SMPD3: variants seen among roughly 807,000 people sequenced by gnomAD.
SMPD3 encodes the protein sphingomyelin phosphodiesterase 3, also known as nSMase-2.
Under a neutral mutation model 55.7 loss-of-function variants are expected in SMPD3, and 21 were observed. The ratio of observed to expected loss-of-function variants is 0.38; its 90% CI spans 0.27 to 0.54. SMPD3 has a LOEUF of 0.54. SMPD3 is among the 20% of genes least tolerant of loss of function. The pLI, the probability that SMPD3 is intolerant of heterozygous loss-of-function variation, is 0.80. For missense variants in SMPD3, 842 were observed against 899.6 expected, an observed-to-expected ratio of 0.94 and a Z score of 0.82; for synonymous variants, 457 against 404.3, an observed-to-expected ratio of 1.13 and a Z score of -1.56.
chr16:68,377,377 C>A (rs1483510284), intron 2 of SMPD3, among the ~76,000 whole-genome samples: 1 of 152,234 alleles, frequency 6.6e-6, no homozygotes. Flanking sequence ...ACAGCCCCAG[C>A]CGCTCCTGGT....
intron 1 of SMPD3, among the ~76,000 whole-genome samples, chr16:68,401,465 G>T (rs1341753826): frequency 3.3e-5 from 5 of 152,034 alleles, no homozygotes; most frequent in African/African-American, 1.2e-4. Flanking sequence ...GGTATAGGAG[G>T]CAGCAGGGGC....
chr16:68,418,572 A>C (rs529099300), intron 1 of SMPD3, among the ~76,000 whole-genome samples: 4 of 152,214 alleles, frequency 2.6e-5, no homozygotes, highest in African/African-American at 7.2e-5. Context: ...TGGGGAAGGC[A>C]AAGAACAACA....
At chr16:68,435,598 G>A (rs2090517339) in intron 1 of SMPD3, among the ~76,000 whole-genome samples, 1 of 152,106 alleles carries the variant, frequency 6.6e-6, no homozygotes, top group South Asian at 2.1e-4. Context: ...CACGGTGGGG[G>A]CTGGCTGGGG....
At chr16:68,403,976 G>C (rs1249502546) in intron 1 of SMPD3, among the ~76,000 whole-genome samples, 3 of 152,130 alleles carry the variant, frequency 2.0e-5, no homozygotes, top group Admixed American at 2.0e-4. Flanking sequence ...CTGAGGTGCA[G>C]CTGGGATGGT....
Position 68,371,077 on chromosome 16 carries a change from G to A in SMPD3, c.1105C>T (p.Arg369Ter), listed in dbSNP as rs775334273. 1.2e-6 allele frequency: 2 copies of A among 1,614,196 alleles called. No individual in the cohort carries two copies. The highest frequency in any genetic ancestry group is 1.7e-6 in the Non-Finnish European group (2 of 1,180,042). ...FLCLQEVFDKRAATKLKEQLH... is the reference protein window; with the variant it reads ...FLCLQEVFDK ...TGCTCTTTCAATTTGGTGGCTGCTC[G>A]CTTGTCAAACACCTCCTGCAGGCAC... Residue 369 changes from arginine (R) to a stop codon, truncating the protein, a stop_gained, in exon 3 of 9, where the codon CGA (arginine) becomes TGA (stop). Transcript: ENST00000219334. LOFTEE classifies it high-confidence loss of function.
At chr16:68,392,997 G>A (rs936012140) in intron 1 of SMPD3, among the ~76,000 whole-genome samples, 4 of 151,896 alleles carry the variant, frequency 2.6e-5, no homozygotes, top group African/African-American at 9.7e-5. Context: ...CCTCTAACCT[G>A]TAAGAAACTA....
chr16:68,371,298 G>A lies in SMPD3; in HGVS notation c.884C>T (p.Pro295Leu), dbSNP rs771697287. 34 of 1,601,610 alleles carry A rather than the reference G, an allele frequency of 2.1e-5. 1 individual carries two copies. In the South Asian group the frequency reaches 3.6e-4, roughly 17 times the overall value. The part of the protein sequence containing the change: ...QDGDSGSLGS[P>L]SASRESLVKG... ...CACCAGGGACTCCCGGGAGGCCGAG[G>A]GGCTGCCCAGGCTCCCTGAATCCCC... The change falls in exon 3 of 9, where the codon CCC becomes CTC. Residue 295 changes from proline (P) to leucine (L), a missense_variant. By Grantham distance (98) the Pro-to-Leu change is moderately conservative. This residue lies in a region of SMPD3 where 649 missense variants were observed against 643.6 expected (regional missense o/e 1.01). Coordinates refer to ENST00000219334, the MANE Select transcript of SMPD3 (RefSeq NM_018667.4).
chr16:68,427,403 T>G (rs750017583), intron 1 of SMPD3, among the ~76,000 whole-genome samples: 4 of 152,158 alleles, frequency 2.6e-5, no homozygotes, highest in Non-Finnish European at 5.9e-5. Flanking sequence ...AATGAATGCA[T>G]CTAGTGAAAG....
chr16:68,363,962 G>T, intron 5 of SMPD3, 96 bp from the exon 6 acceptor site: 1 of 1,154,880 alleles, frequency 8.7e-7, no homozygotes, highest in Non-Finnish European at 1.2e-6. Context: ...CCCATGTGCT[G>T]CCAGGCCCCC....
intron 2 of SMPD3, among the ~76,000 whole-genome samples, chr16:68,383,129 G>A (rs890323821): frequency 2.6e-5 from 4 of 152,198 alleles, no homozygotes; most frequent in African/African-American, 9.7e-5. Context: ...TTGAGCCACT[G>A]CGCCCAGCCA....
intron 1 of SMPD3, among the ~76,000 whole-genome samples, chr16:68,390,918 C>T (rs1321781804): frequency 3.3e-5 from 5 of 152,002 alleles, no homozygotes; most frequent in African/African-American, 9.7e-5. Context: ...GAGGAGCTAC[C>T]CTTCAAACCT....
In SMPD3 at chr16:68,365,491, AC is replaced by A. The variant is rs2089449885; in HGVS notation, c.1324-400del. Among the ~76,000 whole-genome samples the A allele has an allele frequency of 2.0e-5, 3 of 151,620 alleles. No individual in the cohort carries two copies. The South Asian group carries it at 6.3e-4, about 32-fold the overall frequency. On this transcript the variant is annotated intron_variant, in intron 3 of 8. Transcript: ENST00000219334. Reference sequence around the variant, plus strand: ...CCTCAGTTACACCCTAGACCTGGTCACACCCTGGTGCTTTCTCCCCCTGAAA... The same window carrying A: ...CCTCAGTTACACCCTAGACCTGGTCAACCCTGGTGCTTTCTCCCCCTGAAA...
chr16:68,425,919 G>A (rs1552752), intron 1 of SMPD3, among the ~76,000 whole-genome samples: 114,685 of 152,096 alleles, frequency 0.75, 43,728 homozygotes, highest in East Asian at 0.88. Flanking sequence ...TCTCTGAGGT[G>A]ACAATGTACC....
chr16:68,365,032 GGT>G lies in SMPD3; in HGVS notation c.1382_1383del (p.His461ProfsTer24). On this transcript the variant is annotated frameshift_variant, in exon 4 of 9. Coordinates refer to ENST00000219334, the MANE Select transcript of SMPD3 (RefSeq NM_018667.4). LOFTEE classifies it high-confidence loss of function. ...QRIVGYIACT[H>X]LHAPQEDSAI... is the part of the protein sequence containing the mutation. ...GCAACCCTACCTTGCGGGGCATGCA[GGT>G]GTGTGCAGGCGATGTACCCGACGAT... 6.2e-7 allele frequency: 1 copy of G among 1,614,152 alleles called. No individual in the cohort carries two copies. Among genetic ancestry groups the G allele is most frequent in the Non-Finnish European group, 8.5e-7 (1 of 1,180,008 alleles).
intron 1 of SMPD3, among the ~76,000 whole-genome samples, chr16:68,396,588 C>T (rs539004224): frequency 1.6e-4 from 24 of 152,142 alleles, no homozygotes; most frequent in African/African-American, 5.6e-4. Flanking sequence ...GTACTGGCAG[C>T]GTAGAGCCCC....
At chr16:68,420,206 G>A (rs1430797571) in intron 1 of SMPD3, among the ~76,000 whole-genome samples, 1 of 152,058 alleles carries the variant, frequency 6.6e-6, no homozygotes, top group Non-Finnish European at 1.5e-5. Flanking sequence ...GCCTCCCAAA[G>A]TGCTGGGATT....
chr16:68,446,940 T>C (rs1203021954), intron 1 of SMPD3, among the ~76,000 whole-genome samples: 2 of 152,214 alleles, frequency 1.3e-5, no homozygotes, highest in South Asian at 2.1e-4. Flanking sequence ...TGTGGGGGCA[T>C]AGTGCCCTGC....
At chr16:68,397,475 C>G (rs562239711) in intron 1 of SMPD3, among the ~76,000 whole-genome samples, 1 of 152,306 alleles carries the variant, frequency 6.6e-6, no homozygotes, top group East Asian at 1.9e-4. Context: ...AGCCCATTGT[C>G]TCTCCCTGGT....
intron 1 of SMPD3, among the ~76,000 whole-genome samples, chr16:68,410,647 T>G (rs558494588): frequency 6.6e-6 from 1 of 152,208 alleles, no homozygotes; most frequent in Non-Finnish European, 1.5e-5. Context: ...TCTTGCAGAG[T>G]TTGACTGAGA....
Sources: allele counts gnomAD v4.1 joint callset (sites outside exome capture counted in the v4.1 genomes callset), GRCh38; gene constraint gnomAD v4.1.1; regional missense constraint gnomAD v4.1.1; transcripts MANE v1.5; gene names NCBI Gene and HGNC (gene_info 2026-07-23, HGNC 2026-07-21).